ASNSD1: variants seen among roughly 807,000 people sequenced by gnomAD.
The protein encoded by ASNSD1 is asparagine synthetase domain-containing protein 1.
ASNSD1 carries 36 observed loss-of-function variants against 48.3 expected under a neutral mutation model. The observed-to-expected ratio is 0.75, with a 90% CI of 0.57 to 0.99. The LOEUF is 0.99. Among genes scored for constraint, ASNSD1 ranks in the 50% least tolerant of loss-of-function variants. The pLI is 0.00. For synonymous variants in ASNSD1, 257 were observed against 262.1 expected, an observed-to-expected ratio of 0.98 and a Z score of 0.19; for missense variants, 714 against 758.2, an observed-to-expected ratio of 0.94 and a Z score of 0.69.
At chr2:189,670,346 A>T in intron 5 of ASNSD1, 95 bp from the exon 6 acceptor site, 1 of 1,037,846 alleles carries the variant, frequency 9.6e-7, no homozygotes, top group South Asian at 1.7e-5. Context: ...CATGTTGTGA[A>T]ACAATTTGGT....
intron 3 of ASNSD1, 133 bp downstream of exon 3, chr2:189,665,584 TTATATATATATGTGTA>T (rs1343367433): frequency 2.4e-4 from 34 of 140,484 alleles, no homozygotes; most frequent in Middle Eastern, 6.3e-3. Context: ...GAGTCAACAG[TTATATATATATGTGTA>T]TATATATATA....
chr2:189,661,732 G>T, intron 1 of ASNSD1, 122 bp downstream of exon 1: 1 of 397,934 alleles, frequency 2.5e-6, no homozygotes, highest in Admixed American at 4.4e-5. Flanking sequence ...CTGCTACTTT[G>T]CTCTTTTTAT....
At position 189,670,748 on chromosome 2, in the gene ASNSD1, A is replaced by C. The variant is rs1188686052; in HGVS notation, c.*22A>C. 1.4e-6 allele frequency: 2 copies of C among 1,443,512 alleles called. No homozygotes were observed. Among genetic ancestry groups the C allele is most frequent in the Non-Finnish European group, 9.2e-7 (1 of 1,086,540 alleles). 89.4% of individuals were successfully genotyped at this position (1,443,512 alleles called of 1,614,324 possible). Reference sequence around the variant, plus strand: ...GTAATGTGATTCACAATGTAACAATATAAAAATAAGTTTTTATATAATTAT... The same window carrying C: ...GTAATGTGATTCACAATGTAACAATCTAAAAATAAGTTTTTATATAATTAT... On this transcript the variant is annotated 3_prime_UTR_variant, in exon 6 of 6. Transcript: ENST00000260952.
rs919725662 is a variant in ASNSD1, at chr2:189,667,770, C to T, written c.1471C>T (p.Leu491Phe). ...ATTTCTTTAAACCTCATAGGTAGTT[C>T]TCACTGGAATTGGTGCAGATGAGCA... ...KSYQSNAKVV[L>F]TGIGADEQLA... The change falls in exon 5 of 6, where the codon CTC becomes TTC. Residue 491 changes from leucine (L) to phenylalanine (F), a missense_variant. Leu to Phe is a conservative substitution (Grantham distance 22, BLOSUM62 0). Transcript: ENST00000260952. The T allele has an allele frequency of 6.2e-7, 1 of 1,609,482 alleles. No homozygotes were observed.
Position 189,667,572 on chromosome 2 carries a change from G to A in ASNSD1, c.1440G>A (p.Val480=), listed in dbSNP as rs766927593. ...GIGWLVAQEG[V]KSYQSNAKVV... ...GTTGGTTAGTGGCCCAGGAAGGAGT[G>A]AAATCCTATCAGAGCAATGCAAAGG... Residue 480 remains valine, a synonymous_variant, in exon 4 of 6, where the codon GTG becomes GTA. Coordinates refer to ENST00000260952, the MANE Select transcript of ASNSD1 (RefSeq NM_019048.4). 5.9e-5 allele frequency: 95 copies of A among 1,609,582 alleles called. 2 individuals carry two copies. The South Asian group carries it at 9.1e-4, about 15-fold the overall frequency.
At chr2:189,668,287 G>T (rs945668766) in intron 5 of ASNSD1, among the ~76,000 whole-genome samples, 1 of 152,168 alleles carries the variant, frequency 6.6e-6, no homozygotes, top group Non-Finnish European at 1.5e-5. Context: ...GGCCAAGGCG[G>T]GTGGATCACC....
At chr2:189,665,853 G>A (rs2032789239) in intron 3 of ASNSD1, among the ~76,000 whole-genome samples, 188 bp from the exon 4 acceptor site, 1 of 151,802 alleles carries the variant, frequency 6.6e-6, no homozygotes, top group South Asian at 2.1e-4. Context: ...CGGCAAAACA[G>A]AAGCTATTTT....
rs1455888668 is a variant in ASNSD1, at chr2:189,667,344, A to T, written c.1212A>T (p.Pro404=). 1.2e-6 allele frequency: 2 copies of T among 1,614,196 alleles called. No homozygotes were observed. Among genetic ancestry groups the T allele is most frequent in the Non-Finnish European group, 1.7e-6 (2 of 1,180,022 alleles). ...ADSPNKHVSV[P]DRITGRAGLK... is the part of the protein sequence containing the mutation. Reference sequence around the variant, plus strand: ...GTCCTAATAAACATGTCAGTGTACCAGATCGAATCACAGGAAGGGCGGGAC... The same window carrying T: ...GTCCTAATAAACATGTCAGTGTACCTGATCGAATCACAGGAAGGGCGGGAC... Residue 404 remains proline (P), a synonymous_variant, in exon 4 of 6, where the codon CCA becomes CCT. Transcript: ENST00000260952.
In ASNSD1 at chr2:189,666,125, A is replaced by C. The variant is rs755448805; in HGVS notation, c.-8A>C. The C allele has an allele frequency of 6.5e-7, 1 of 1,530,162 alleles. No homozygotes were observed. Among genetic ancestry groups the C allele is most frequent in the Non-Finnish European group, 8.8e-7 (1 of 1,142,700 alleles). The allele number at this position is 1,530,162 out of a possible 1,614,324, so 94.8% of individuals were successfully genotyped here. A position where few individuals can be genotyped will look rare whatever the true frequency, so the allele number is the denominator to read the frequency against. ...ATCAAGAAATAGTCAACCTGATTTC[A>C]CATAACAATGTGTGGCATTTGTTGT... On this transcript the variant is annotated 5_prime_UTR_variant, in exon 4 of 6. Transcript: ENST00000260952.
rs143996723 is a variant in ASNSD1, at chr2:189,666,289, G to A, written c.157G>A (p.Val53Ile). Residue 53 changes from valine (V) to isoleucine (I), a missense_variant, in exon 4 of 6, where the codon GTC (valine) becomes ATC (isoleucine). Physicochemically the swap from Val to Ile is conservative, Grantham distance 29. Coordinates refer to ENST00000260952, the MANE Select transcript of ASNSD1 (RefSeq NM_019048.4). ...VNYQCLFSAH[V>I]LHLRGVLTTQ... Reference sequence around the variant, plus strand: ...CTACCAGTGTTTATTTTCTGCTCACGTCCTACACTTGAGGGGTGTTTTGAC... The same window carrying A: ...CTACCAGTGTTTATTTTCTGCTCACATCCTACACTTGAGGGGTGTTTTGAC... 29 of 1,614,076 alleles carry A rather than the reference G, an allele frequency of 1.8e-5. No homozygotes were observed. The African/African-American group carries it at 2.0e-4, about 11-fold the overall frequency.
chr2:189,662,625 C>G (rs542328714), intron 1 of ASNSD1, among the ~76,000 whole-genome samples: 6 of 152,250 alleles, frequency 3.9e-5, no homozygotes, highest in Non-Finnish European at 5.9e-5. Flanking sequence ...AAGCCACTTA[C>G]GCATACTGGT....
At position 189,661,498 on chromosome 2, in the gene ASNSD1, C is replaced by T. The variant is rs1132360; in HGVS notation, c.-335C>T. ...AGGCTCCTTCAGGGCTGAGCCATCC[C>T]GCGTGTCTTGCGCTCGGTGGAAATG... On this transcript the variant is annotated 5_prime_UTR_variant, in exon 1 of 6. Coordinates refer to ENST00000260952, the MANE Select transcript of ASNSD1 (RefSeq NM_019048.4). 267,511 of 399,052 alleles carry T rather than the reference C, an allele frequency of 0.67. 95,068 individuals carry two copies. The highest frequency in any genetic ancestry group is 0.77 in the South Asian group (6,020 of 7,856). The allele number at this position is 399,052 out of a possible 1,614,324, so 24.7% of individuals were successfully genotyped here. A position where few individuals can be genotyped will look rare whatever the true frequency, so the allele number is the denominator to read the frequency against.
chr2:189,663,348 G>A (rs1215226040), intron 1 of ASNSD1, among the ~76,000 whole-genome samples: 1 of 151,966 alleles, frequency 6.6e-6, no homozygotes, highest in African/African-American at 2.4e-5. Context: ...CCGCCTCCCG[G>A]GTTCAAGCAG....
intron 5 of ASNSD1, 143 bp from the exon 6 acceptor site, chr2:189,670,298 G>C (rs1420437590): frequency 3.4e-6 from 2 of 587,732 alleles, no homozygotes; most frequent in Admixed American, 3.6e-5. Context: ...TATTTATTGA[G>C]ATTTAGACTA....
intron 3 of ASNSD1, 70 bp from the exon 4 acceptor site, chr2:189,665,971 C>G: frequency 1.5e-6 from 1 of 678,994 alleles, no homozygotes; most frequent in East Asian, 2.9e-5. Flanking sequence ...TTGTGTTGCC[C>G]TCTGAATTGC....
Position 189,666,273 on chromosome 2 carries a change from T to C in ASNSD1, c.141T>C (p.Cys47=). 1 of 1,614,164 alleles carries C rather than the reference T, an allele frequency of 6.2e-7. No homozygotes were observed. Among genetic ancestry groups the C allele is most frequent in the Non-Finnish European group, 8.5e-7 (1 of 1,180,008 alleles). ...QLLKSDVNYQ[C]LFSAHVLHLR... ...TAAAGTCTGATGTTAACTACCAGTG[T>C]TTATTTTCTGCTCACGTCCTACACT... Residue 47 remains cysteine, a synonymous_variant, in exon 4 of 6, where the codon TGT becomes TGC. Coordinates refer to ENST00000260952, the MANE Select transcript of ASNSD1 (RefSeq NM_019048.4).
At position 189,667,257 on chromosome 2, in the gene ASNSD1, A is replaced by G. The variant is rs1399713327; in HGVS notation, c.1125A>G (p.Lys375=). Residue 375 remains lysine (K), a synonymous_variant, in exon 4 of 6, where the codon AAA becomes AAG. Coordinates refer to ENST00000260952, the MANE Select transcript of ASNSD1 (RefSeq NM_019048.4). The part of the protein sequence containing the change: ...TTFNREGNKQ[K]NKCEIPSEEF... The stretch of plus-strand genomic sequence containing the variant: ...TTAACAGAGAAGGGAATAAACAGAA[A>G]AATAAATGTGAAATACCTTCAGAAG... The G allele has an allele frequency of 6.2e-7, 1 of 1,614,148 alleles. No homozygotes were observed. Among genetic ancestry groups the G allele is most frequent in the South Asian group, 1.1e-5 (1 of 91,074 alleles).
rs201324299 is a variant in ASNSD1, at chr2:189,666,540, T to C, written c.408T>C (p.Asp136=). Residue 136 remains aspartate, a synonymous_variant, in exon 4 of 6, where the codon GAT becomes GAC. Transcript: ENST00000260952. ...GTCATTATTTATGGTTTGGTAGGGA[T>C]TTTTTTGGTCGCCGTAGCTTGCTTT... is the stretch of plus-strand genomic sequence containing the variant. ...ASSHYLWFGR[D]FFGRRSLLWH... is the part of the protein sequence containing the mutation. 1 of 1,613,238 alleles carries C rather than the reference T, an allele frequency of 6.2e-7. No homozygotes were observed. Among genetic ancestry groups the C allele is most frequent in the Non-Finnish European group, 8.5e-7 (1 of 1,179,614 alleles).
intron 5 of ASNSD1, among the ~76,000 whole-genome samples, chr2:189,668,649 T>C (rs944627788): frequency 6.6e-6 from 1 of 152,268 alleles, no homozygotes; most frequent in Non-Finnish European, 1.5e-5. Context: ...TTATAGAAAC[T>C]GGCTTTGTCT....
Sources: gnomAD v4.1 joint callset for allele counts (sites outside exome capture counted in the v4.1 genomes callset) on GRCh38, gnomAD v4.1.1 for gene constraint, MANE v1.5 for transcripts, NCBI Gene and HGNC (gene_info 2026-07-23, HGNC 2026-07-21) for gene names.